Variants in BMERB1 observed in about 807,000 individuals in gnomAD.
BMERB1 encodes bMERB domain containing 1, also known as bMERB domain-containing protein 1.
In BMERB1, 12 loss-of-function variants were observed where a neutral mutation model predicts 23.6. That is an observed-to-expected ratio of 0.51 (90% CI 0.33 to 0.82). The LOEUF (loss-of-function observed/expected upper bound fraction) is 0.82. Ranked by LOEUF, BMERB1 falls within the 40% of genes least tolerant of loss-of-function variation. The probability of loss-of-function intolerance (pLI) is 0.03; values close to 1 mark genes in which losing one functional copy is unlikely to be tolerated. For missense variants in BMERB1, 247 were observed against 255.4 expected (o/e 0.97, Z 0.22); for synonymous variants, 122 against 96.6 (o/e 1.26, Z -1.54).
rs574813342 is a variant in BMERB1 at position 15,491,898 on chromosome 16, A to C, written c.107-23407A>C. Among the ~76,000 whole-genome samples, 7 of 152,226 alleles carry C rather than the reference A, an allele frequency of 4.6e-5. No individual in the cohort carries two copies. In the East Asian group the frequency reaches 1.4e-3, roughly 29 times the overall value. Reference sequence around the variant, plus strand: ...TTTTACTCTCTTCCTAGCCCTGTCCACCTAAATGATGTTGTTTGTTTATCT... The same window carrying C: ...TTTTACTCTCTTCCTAGCCCTGTCCCCCTAAATGATGTTGTTTGTTTATCT... On this transcript the variant is annotated intron_variant, in intron 1 of 5. Coordinates refer to ENST00000300006, the MANE Select transcript of BMERB1 (RefSeq NM_033201.3).
chr16:15,502,461 A>G, intron 1 of BMERB1: 1 of 1,123,454 alleles, frequency 8.9e-7, no homozygotes, highest in Non-Finnish European at 1.3e-6. Context: ...TCTGGGTTAA[A>G]AGCAGTGACT....
intron 1 of BMERB1, among the ~76,000 whole-genome samples, chr16:15,442,077 T>G (rs2050943806): frequency 6.6e-6 from 1 of 152,076 alleles, no homozygotes; most frequent in Non-Finnish European, 1.5e-5. Flanking sequence ...AAGCCTGTAA[T>G]CCCAGCACTT....
At chr16:15,529,123 C>T (rs1356005580) in intron 2 of BMERB1, among the ~76,000 whole-genome samples, 1 of 152,194 alleles carries the variant, frequency 6.6e-6, no homozygotes, top group East Asian at 1.9e-4. Flanking sequence ...CTCCCAGGTT[C>T]ACGCCATTCT....
At chr16:15,583,318 C>T (rs2031063417) in intron 5 of BMERB1, 80 bp downstream of exon 5, 1 of 1,178,476 alleles carries the variant, frequency 8.5e-7, no homozygotes, top group Non-Finnish European at 1.3e-6. Context: ...TGGATCACGC[C>T]TGTAATCCCA....
At chr16:15,498,678 AAGG>A (rs1000286011) in intron 1 of BMERB1, among the ~76,000 whole-genome samples, 8 of 151,928 alleles carry the variant, frequency 5.3e-5, no homozygotes, top group African/African-American at 1.9e-4. Flanking sequence ...GGAAGGAAGA[AAGG>A]AGGAAAGAAA....
intron 2 of BMERB1, among the ~76,000 whole-genome samples, chr16:15,556,618 G>A (rs970750566): frequency 1.4e-4 from 21 of 151,884 alleles, no homozygotes; most frequent in African/African-American, 4.1e-4. Context: ...ACGGAGTCTC[G>A]CTCTGTTGCC....
rs1285694348 is a variant in BMERB1, at chr16:15,583,251, A to G, written c.502+13A>G. 2.6e-6 allele frequency: 4 copies of G among 1,564,354 alleles called. No individual in the cohort carries two copies. The highest frequency in any genetic ancestry group is 1.4e-5 in the African/African-American group (1 of 73,794). ...AAATCTCCAGCCAGTGAGTATATAC[A>G]TTATTCATTCCCCTCCCCCACAAAA... On this transcript the variant is annotated intron_variant, in intron 5 of 5. Coordinates refer to ENST00000300006, the MANE Select transcript of BMERB1 (RefSeq NM_033201.3).
chr16:15,460,074 A>G (rs980886141), intron 1 of BMERB1, among the ~76,000 whole-genome samples: 3 of 152,074 alleles, frequency 2.0e-5, no homozygotes. Context: ...CTACTGTTGG[A>G]TGGAAAGAAC....
chr16:15,447,862 A>G, intron 1 of BMERB1: 4 of 455,950 alleles, frequency 8.8e-6, no homozygotes, highest in Middle Eastern at 3.3e-4. Context: ...TTGGAGGACA[A>G]GGGATGGAGG....
chr16:15,505,008 A>G (rs2051571984), intron 1 of BMERB1, among the ~76,000 whole-genome samples: 1 of 152,072 alleles, frequency 6.6e-6, no homozygotes, highest in Non-Finnish European at 1.5e-5. Context: ...ATCGCTCAAA[A>G]TGGCTGATTC....
chr16:15,497,750 T>G (rs1172463791), intron 1 of BMERB1, among the ~76,000 whole-genome samples: 1 of 152,026 alleles, frequency 6.6e-6, no homozygotes, highest in Non-Finnish European at 1.5e-5. Context: ...ACAGGAACAA[T>G]GATGATCTGC....
chr16:15,436,820 A>G (rs2050892770), intron 1 of BMERB1, among the ~76,000 whole-genome samples: 1 of 152,056 alleles, frequency 6.6e-6, no homozygotes, highest in Non-Finnish European at 1.5e-5. Context: ...ATGTGCTGAG[A>G]ACTCTAAATG....
chr16:15,508,850 AG>A (rs1355072842), intron 1 of BMERB1, among the ~76,000 whole-genome samples: 2 of 151,314 alleles, frequency 1.3e-5, no homozygotes, highest in South Asian at 2.1e-4. Context: ...AAAAAAAAAA[AG>A]ATGAGGTTTA....
chr16:15,489,888 A>G (rs1265586812), intron 1 of BMERB1, among the ~76,000 whole-genome samples: 1 of 151,068 alleles, frequency 6.6e-6, no homozygotes, highest in South Asian at 2.1e-4. Flanking sequence ...TTTTTTTGAG[A>G]TGGAGTCTTG....
chr16:15,443,360 C>G (rs2050957644), intron 1 of BMERB1, among the ~76,000 whole-genome samples: 1 of 147,142 alleles, frequency 6.8e-6, no homozygotes, highest in African/African-American at 2.5e-5. Context: ...TTGAGACCAG[C>G]CTGGGCAATG....
rs1555509799 is a variant in BMERB1 at position 15,512,038 on chromosome 16, A to AAAAAAG, written c.107-3267_107-3266insAAAAAG. 4.0e-4 allele frequency among the ~76,000 whole-genome samples: 59 copies of AAAAAAG among 148,406 alleles called. No homozygotes were observed. In the South Asian group the frequency reaches 6.6e-3, roughly 16 times the overall value. The stretch of plus-strand genomic sequence containing the variant: ...AAAAAAAAAAAAAAAAAAAAAAAAA[A>AAAAAAG]GGGGGAATTGTCTCAGAGAGAATGA... On this transcript the variant is annotated intron_variant, in intron 1 of 5. Coordinates refer to ENST00000300006, the MANE Select transcript of BMERB1 (RefSeq NM_033201.3).
intron 2 of BMERB1, among the ~76,000 whole-genome samples, chr16:15,534,721 G>A (rs1444518408): frequency 6.6e-6 from 1 of 152,082 alleles, no homozygotes; most frequent in Non-Finnish European, 1.5e-5. Context: ...TCCACACACG[G>A]GGTCCAGTTT....
intron 2 of BMERB1, among the ~76,000 whole-genome samples, chr16:15,549,301 C>G (rs976972538): frequency 7.0e-6 from 1 of 143,800 alleles, no homozygotes; most frequent in Non-Finnish European, 1.5e-5. Context: ...ATCAAGATCA[C>G]ACCACTGCAT....
intron 1 of BMERB1, among the ~76,000 whole-genome samples, chr16:15,456,214 T>TA (rs1276933751): frequency 6.6e-6 from 1 of 152,214 alleles, no homozygotes; most frequent in Non-Finnish European, 1.5e-5. Flanking sequence ...TTGTTGGACA[T>TA]ATGTTAACAC....
Sources: allele counts gnomAD v4.1 joint callset (sites outside exome capture counted in the v4.1 genomes callset), GRCh38; gene constraint gnomAD v4.1.1; transcripts MANE v1.5; gene names NCBI Gene and HGNC (gene_info 2026-07-23, HGNC 2026-07-21).